The following KDM4C variants were observed in gnomAD, a reference collection of about 807,000 sequenced individuals.
KDM4C encodes the protein lysine demethylase 4C, also known as lysine-specific demethylase 4C.
A neutral mutation model predicts 129.3 loss-of-function variants in KDM4C; 81 were observed. That is an observed-to-expected ratio of 0.63 (90% CI 0.52 to 0.75). The LOEUF is 0.75. Among genes scored for constraint, KDM4C ranks in the 30% least tolerant of loss-of-function variants. The probability of loss-of-function intolerance (pLI) is 0.00; values close to 1 mark genes in which losing one functional copy is unlikely to be tolerated. For synonymous variants in KDM4C, 573 were observed against 456.1 expected (o/e 1.26, Z -3.26); for missense variants, 1,457 against 1,304.0 (o/e 1.12, Z -1.81).
intron 5 of KDM4C, among the ~76,000 whole-genome samples, chr9:6,865,920 ATT>A (rs1221201475): frequency 7.3e-5 from 11 of 151,142 alleles, no homozygotes; most frequent in Non-Finnish European, 1.3e-4. Flanking sequence ...TGCCTGGCTA[ATT>A]TTTTGTATTT....
chr9:6,852,070 A>G (rs1470291095), intron 5 of KDM4C, among the ~76,000 whole-genome samples: 1 of 152,196 alleles, frequency 6.6e-6, no homozygotes, highest in East Asian at 1.9e-4. Context: ...TCTACATACT[A>G]TTTCCTAAGA....
chr9:7,003,518 T>C (rs1281586856), intron 12 of KDM4C, among the ~76,000 whole-genome samples: 1 of 152,008 alleles, frequency 6.6e-6, no homozygotes, highest in Non-Finnish European at 1.5e-5. Context: ...TCATTTGGAA[T>C]GTATCCTTCT....
At chr9:6,797,271 G>A (rs527854253) in intron 2 of KDM4C, among the ~76,000 whole-genome samples, 8 of 152,286 alleles carry the variant, frequency 5.3e-5, no homozygotes, top group South Asian at 2.1e-4. Context: ...ACAGGCATGA[G>A]CCACTGTGCC....
Position 6,854,001 on chromosome 9 carries a change from A to G in KDM4C, c.629+4301A>G, listed in dbSNP as rs73639381. Among the ~76,000 whole-genome samples the G allele has an allele frequency of 9.1e-3, 1,385 of 152,268 alleles. 20 individuals carry two copies. The highest frequency in any genetic ancestry group is 0.031 in the African/African-American group (1,303 of 41,544). ...GTAAAGTATTATACAAATACTCATA[A>G]TTACTATTATTTTAATAACCATGAA... On this transcript the variant is annotated intron_variant, in intron 5 of 21. Transcript: ENST00000381309.
intron 17 of KDM4C, chr9:7,077,221 C>T (rs1834026913): frequency 2.0e-6 from 2 of 985,108 alleles, no homozygotes. Context: ...ATTCAAGATG[C>T]AACACCTACA....
At chr9:6,830,625 T>C (rs970239625) in intron 4 of KDM4C, among the ~76,000 whole-genome samples, 1 of 152,256 alleles carries the variant, frequency 6.6e-6, no homozygotes, top group African/African-American at 2.4e-5. Context: ...TGATGAAGTA[T>C]AGTTTAATAT....
At chr9:6,910,772 C>T (rs1441043784) in intron 8 of KDM4C, among the ~76,000 whole-genome samples, 2 of 152,198 alleles carry the variant, frequency 1.3e-5, no homozygotes, top group Admixed American at 6.5e-5. Context: ...GGATAGTCTT[C>T]ACAGTGTTGA....
intron 17 of KDM4C, among the ~76,000 whole-genome samples, chr9:7,082,306 C>T (rs1834617542): frequency 6.6e-6 from 1 of 152,168 alleles, no homozygotes. Flanking sequence ...AATGTGTGTT[C>T]CACCTGAGTT....
At chr9:6,858,990 C>T (rs1405175090) in intron 5 of KDM4C, among the ~76,000 whole-genome samples, 4 of 151,952 alleles carry the variant, frequency 2.6e-5, no homozygotes, top group African/African-American at 9.7e-5. Flanking sequence ...TTCATGATTG[C>T]ATTTCTAAAG....
Position 6,980,911 on chromosome 9 carries a change from C to T in KDM4C, c.922-14C>T, listed in dbSNP as rs374775367. Reference sequence around the variant, plus strand: ...GCGAAACGTTTAACACTCTCCAACCCGGTTGTGTTTCAGTGCACTTGCAGG... The same window carrying T: ...GCGAAACGTTTAACACTCTCCAACCTGGTTGTGTTTCAGTGCACTTGCAGG... On this transcript the variant is annotated splice_polypyrimidine_tract_variant and intron_variant, in intron 8 of 21. Transcript: ENST00000381309. 5.0e-5 allele frequency: 80 copies of T among 1,612,432 alleles called. No individual in the cohort carries two copies. In the Admixed American group the frequency reaches 8.7e-4, roughly 18 times the overall value.
chr9:6,899,924 C>G (rs1438159525), intron 8 of KDM4C, among the ~76,000 whole-genome samples: 2 of 152,124 alleles, frequency 1.3e-5, no homozygotes, highest in Non-Finnish European at 2.9e-5. Context: ...GCTTTTGAGT[C>G]TATAGTTTGT....
At chr9:7,170,422 T>G in intron 21 of KDM4C, 1 of 989,204 alleles carries the variant, frequency 1.0e-6, no homozygotes, top group Non-Finnish European at 1.2e-6. Flanking sequence ...GCCTAAATGC[T>G]AGTTGTGGGA....
At chr9:6,890,612 C>T (rs1446076835) in intron 7 of KDM4C, among the ~76,000 whole-genome samples, 3 of 151,802 alleles carry the variant, frequency 2.0e-5, no homozygotes, top group Middle Eastern at 6.8e-3. Context: ...GAGTTGCATT[C>T]TGTGTAACAG....
rs1589437261 is a variant in KDM4C at position 6,981,051 on chromosome 9, C to G, written c.1048C>G (p.Pro350Ala). The G allele has an allele frequency of 1.9e-6, 3 of 1,613,738 alleles. No homozygotes were observed. Among genetic ancestry groups the G allele is most frequent in the Admixed American group, 1.7e-5 (1 of 59,974 alleles). Residue 350 changes from proline to alanine, a missense_variant, in exon 9 of 22, where the codon CCA (proline) becomes GCA (alanine). Transcript: ENST00000381309. ...CACCATTGATCACACGAAGCCTACT[C>G]CAGCATCCACCCCTGAAGTAAAAGC... ...IYTIDHTKPTPASTPEVKAWL... is the reference protein window; with the variant it reads ...IYTIDHTKPTAASTPEVKAWL...
At chr9:7,093,351 C>G (rs1231285908) in intron 17 of KDM4C, among the ~76,000 whole-genome samples, 2 of 152,064 alleles carry the variant, frequency 1.3e-5, no homozygotes, top group African/African-American at 4.8e-5. Flanking sequence ...GGTTTATGCT[C>G]CATCTTTTTT....
intron 8 of KDM4C, chr9:6,978,624 G>A (rs1833332583): frequency 6.6e-6 from 1 of 152,148 alleles, no homozygotes; most frequent in African/African-American, 2.4e-5. Flanking sequence ...GTTCCTTTCA[G>A]TTCAGGCTGG....
intron 12 of KDM4C, among the ~76,000 whole-genome samples, chr9:7,006,970 T>G (rs1021619686): frequency 2.0e-5 from 3 of 152,258 alleles, no homozygotes; most frequent in African/African-American, 7.2e-5. Flanking sequence ...ACATGGCGAT[T>G]AAAAAATTTG....
At chr9:6,810,374 T>A (rs1830924400) in intron 3 of KDM4C, among the ~76,000 whole-genome samples, 1 of 152,200 alleles carries the variant, frequency 6.6e-6, no homozygotes, top group South Asian at 2.1e-4. Context: ...GAATAAATAG[T>A]GTTATAAAAA....
intron 8 of KDM4C, among the ~76,000 whole-genome samples, chr9:6,911,063 A>C (rs951892313): frequency 6.6e-6 from 1 of 152,188 alleles, no homozygotes; most frequent in African/African-American, 2.4e-5. Flanking sequence ...TAATTTGCTT[A>C]TCTTTATTTT....
Sources: gnomAD v4.1 joint callset for allele counts (sites outside exome capture counted in the v4.1 genomes callset) on GRCh38, gnomAD v4.1.1 for gene constraint, MANE v1.5 for transcripts, NCBI Gene and HGNC (gene_info 2026-07-23, HGNC 2026-07-21) for gene names.